Variants in PRPF6 observed in about 807,000 individuals in gnomAD.
PRPF6 encodes the protein pre-mRNA-processing factor 6.
In PRPF6, 42 loss-of-function variants were observed where a neutral mutation model predicts 118.3. That is an observed-to-expected ratio of 0.35 (90% CI 0.28 to 0.46). The LOEUF is 0.46. Ranked by LOEUF, PRPF6 falls within the 20% of genes least tolerant of loss-of-function variation. The probability of loss-of-function intolerance (pLI) is 1.00; values close to 1 mark genes in which losing one functional copy is unlikely to be tolerated. For missense variants in PRPF6, 662 were observed against 1,255.7 expected (o/e 0.53, Z 7.15); for synonymous variants, 481 against 485.1 (o/e 0.99, Z 0.11).
intron 1 of PRPF6, among the ~76,000 whole-genome samples, chr20:63,982,446 A>G (rs887895128): frequency 3.3e-5 from 5 of 152,208 alleles, no homozygotes; most frequent in Non-Finnish European, 7.3e-5. Context: ...CTGGGATTAC[A>G]GGCGTGAGCC....
intron 2 of PRPF6, among the ~76,000 whole-genome samples, chr20:63,983,474 T>A (rs187448610): frequency 6.6e-6 from 1 of 151,558 alleles, no homozygotes; most frequent in Non-Finnish European, 1.5e-5. Flanking sequence ...CAGTCTTTTT[T>A]TTTTTTGAGA....
chr20:63,983,652 C>A (rs868483785), intron 2 of PRPF6, among the ~76,000 whole-genome samples: 2 of 111,112 alleles, frequency 1.8e-5, no homozygotes, highest in Admixed American at 8.9e-5. Flanking sequence ...ATTGGCCAGT[C>A]TTTTTTTTTT....
At chr20:63,986,526 T>C (rs1261008650) in intron 3 of PRPF6, among the ~76,000 whole-genome samples, 1 of 149,428 alleles carries the variant, frequency 6.7e-6, no homozygotes, top group Non-Finnish European at 1.5e-5. Context: ...TCTCGCTCTG[T>C]TGCCCAGGCT....
intron 9 of PRPF6, among the ~76,000 whole-genome samples, chr20:64,005,361 T>C (rs2059185280): frequency 6.6e-6 from 1 of 152,144 alleles, no homozygotes; most frequent in Non-Finnish European, 1.5e-5. Context: ...TCTCCACCAA[T>C]GTACAAAGTA....
chr20:63,986,939 C>T (rs920668767), intron 3 of PRPF6, among the ~76,000 whole-genome samples: 15 of 150,816 alleles, frequency 9.9e-5, no homozygotes, highest in East Asian at 7.9e-4. Flanking sequence ...GAGGCTGAGG[C>T]GGGAGGACTG....
chr20:64,032,693 C>A (rs2059320598), intron 20 of PRPF6, 148 bp from the exon 21 acceptor site: 1 of 1,013,828 alleles, frequency 9.9e-7, no homozygotes, highest in African/African-American at 1.6e-5. Flanking sequence ...AAGAGCCTTG[C>A]CTTCCGGTGC....
chr20:64,018,496 C>T (rs532415305), intron 12 of PRPF6, among the ~76,000 whole-genome samples: 1 of 152,242 alleles, frequency 6.6e-6, no homozygotes, highest in East Asian at 1.9e-4. Flanking sequence ...CAGGTGTTTC[C>T]ACTGTATGGT....
At chr20:63,998,923 C>G (rs2059153569) in intron 6 of PRPF6, 122 bp from the exon 7 acceptor site, 1 of 686,472 alleles carries the variant, frequency 1.5e-6, no homozygotes, top group African/African-American at 1.8e-5. Context: ...GAAATGAAGG[C>G]TGTTTTCCTT....
chr20:63,987,581 A>C (rs894637593), intron 3 of PRPF6, among the ~76,000 whole-genome samples: 40 of 152,234 alleles, frequency 2.6e-4, no homozygotes, highest in African/African-American at 9.4e-4. Flanking sequence ...GTGATTCAAC[A>C]TTGTACTGGA....
chr20:63,995,242 TG>T, intron 5 of PRPF6, 84 bp from the exon 6 acceptor site: 1 of 1,572,226 alleles, frequency 6.4e-7, no homozygotes, highest in Non-Finnish European at 8.7e-7. Context: ...GTCAGGCCAC[TG>T]GGGAAGTATT....
At chr20:64,018,394 G>A (rs572026088) in intron 12 of PRPF6, among the ~76,000 whole-genome samples, 27 of 152,200 alleles carry the variant, frequency 1.8e-4, no homozygotes, top group African/African-American at 6.3e-4. Context: ...TCTCTGTGGT[G>A]TCTCCTCCGG....
chr20:63,983,286 T>G (rs2059079211), intron 2 of PRPF6, 71 bp downstream of exon 2: 3 of 1,591,292 alleles, frequency 1.9e-6, no homozygotes, highest in South Asian at 1.1e-5. Context: ...CAGTGTGTGT[T>G]GGTGTCTGTA....
intron 19 of PRPF6, among the ~76,000 whole-genome samples, chr20:64,031,007 T>C (rs562378098): frequency 6.6e-6 from 1 of 152,290 alleles, no homozygotes; most frequent in East Asian, 1.9e-4. Context: ...CGCCATCCCT[T>C]CTCCAGCAGC....
chr20:63,995,986 T>A (rs1211146316), intron 6 of PRPF6, among the ~76,000 whole-genome samples: 1 of 152,138 alleles, frequency 6.6e-6, no homozygotes, highest in Non-Finnish European at 1.5e-5. Context: ...AATAATTTTT[T>A]AAAAAGTGTG....
Position 64,027,705 on chromosome 20 carries a change from C to G in PRPF6, c.2308C>G (p.Arg770Gly). ...AGCACGGGCCATTTTGGAAAAGTCTCGTCTGAAGAACCCAAAGAACCCTGG... is the reference window on the plus strand; with the variant it reads ...AGCACGGGCCATTTTGGAAAAGTCTGGTCTGAAGAACCCAAAGAACCCTGG... The part of the protein sequence containing the change: ...TRARAILEKS[R>G]LKNPKNPGLW... The change falls in exon 17 of 21, where the codon CGT becomes GGT. Residue 770 changes from arginine to glycine, a missense_variant. Physicochemically the swap from Arg to Gly is moderately radical, Grantham distance 125 (BLOSUM62 -2). This residue lies in a region of PRPF6 where 244 missense variants were observed against 383.7 expected (regional missense o/e 0.64). Coordinates refer to ENST00000266079, the MANE Select transcript of PRPF6 (RefSeq NM_012469.4). The surrounding 1 kb of genome is among the most constrained non-coding windows in gnomAD (Gnocchi z 6.5). The G allele has an allele frequency of 6.2e-7, 1 of 1,614,034 alleles. No individual in the cohort carries two copies. The highest frequency in any genetic ancestry group is 8.5e-7 in the Non-Finnish European group (1 of 1,180,030).
chr20:63,998,735 G>A (rs1464410188), intron 6 of PRPF6, among the ~76,000 whole-genome samples: 4 of 151,592 alleles, frequency 2.6e-5, no homozygotes, highest in African/African-American at 9.7e-5. Flanking sequence ...CCAGCCACTC[G>A]GGAGGCTGAG....
Position 63,994,896 on chromosome 20 carries a change from T to G in PRPF6, c.439-20T>G, listed in dbSNP as rs6122227. The G allele has an allele frequency of 1.1e-5, 18 of 1,614,094 alleles. No homozygotes were observed. The highest frequency in any genetic ancestry group is 5.3e-5 in the African/African-American group (4 of 75,038). On this transcript the variant is annotated intron_variant, in intron 4 of 20. Coordinates refer to ENST00000266079, the MANE Select transcript of PRPF6 (RefSeq NM_012469.4). ...AATTCTGTCAGAGAATTAATGTTTT[T>G]GGGGGCTGGATATTTCCAGAGGAAG...
At chr20:64,031,703 A>C (rs1455447133) in intron 19 of PRPF6, among the ~76,000 whole-genome samples, 1 of 151,952 alleles carries the variant, frequency 6.6e-6, no homozygotes, top group Non-Finnish European at 1.5e-5. Flanking sequence ...AACAAAAAAA[A>C]ACCAATTTGG....
chr20:63,983,493 C>T (rs1281437639), intron 2 of PRPF6, among the ~76,000 whole-genome samples: 1 of 144,724 alleles, frequency 6.9e-6, no homozygotes. Context: ...GACGGAATTT[C>T]GCTCTTGTCG....
Sources: gnomAD v4.1 joint callset for allele counts (sites outside exome capture counted in the v4.1 genomes callset) on GRCh38, gnomAD v4.1.1 for gene constraint, gnomAD v4.1.1 regional missense constraint, Gnocchi (gnomAD v3.1) non-coding constraint, MANE v1.5 for transcripts, NCBI Gene and HGNC (gene_info 2026-07-23, HGNC 2026-07-21) for gene names.